The following GNPDA1 variants were observed in gnomAD, a reference collection of about 807,000 sequenced individuals.
GNPDA1 encodes the protein GNPDA 1.
Under a neutral mutation model 28.5 loss-of-function variants are expected in GNPDA1, and 24 were observed. The ratio of observed to expected loss-of-function variants is 0.84; its 90% confidence interval spans 0.61 to 1.19. The LOEUF is 1.19. Ranked by LOEUF, GNPDA1 falls within the 50% of genes most tolerant of loss-of-function variation. The pLI, the probability that GNPDA1 is intolerant of heterozygous loss-of-function variation, is 0.00. For synonymous variants in GNPDA1, 147 were observed against 139.3 expected (o/e 1.06, Z -0.39); for missense variants, 264 against 367.3 (o/e 0.72, Z 2.30).
In GNPDA1 at chr5:142,005,084, C is replaced by T; in HGVS notation, c.442G>A (p.Glu148Lys). The change falls in exon 5 of 7, where the codon GAG becomes AAG. Residue 148 changes from glutamate to lysine, a missense_variant. Physicochemically the swap from Glu to Lys is moderately conservative, Grantham distance 56. Coordinates refer to ENST00000311337, the MANE Select transcript of GNPDA1 (RefSeq NM_005471.5). ...CTGGACACCAGACTGGAGCCTGGCT[C>T]GTTGAAGGCAATGTGTCCATCAGGG... ...IGPDGHIAFN[E>K]PGSSLVSRTR... The T allele has an allele frequency of 1.2e-6, 2 of 1,610,742 alleles. No homozygotes were observed. The highest frequency in any genetic ancestry group is 1.7e-4 in the Middle Eastern group (1 of 6,048).
At position 142,003,484 on chromosome 5, in the gene GNPDA1, A is replaced by C. The variant is rs1370778857; in HGVS notation, c.595-222T>G. 1.3e-5 allele frequency among the ~76,000 whole-genome samples: 2 copies of C among 152,192 alleles called. No homozygotes were observed. The highest frequency in any genetic ancestry group is 1.9e-4 in the East Asian group (1 of 5,196). ...CCCCAGGGGGTTAAATAACTTGCCC[A>C]GGGTCATTTATGACCCCAAAGTTCA... On this transcript the variant is annotated intron_variant, in intron 5 of 6. Coordinates refer to ENST00000311337, the MANE Select transcript of GNPDA1 (RefSeq NM_005471.5). The surrounding 1 kb of genome is among the most constrained non-coding windows in gnomAD (Gnocchi z 4.0).
At chr5:142,007,614 A>T (rs1755839215) in intron 3 of GNPDA1, among the ~76,000 whole-genome samples, 185 bp downstream of exon 3, 1 of 152,206 alleles carries the variant, frequency 6.6e-6, no homozygotes, top group African/African-American at 2.4e-5. Flanking sequence ...TTTAATGCTT[A>T]CAACCTGTGA....
At position 142,004,952 on chromosome 5, in the gene GNPDA1, T is replaced by C; in HGVS notation, c.574A>G (p.Thr192Ala). Residue 192 changes from threonine to alanine, a missense_variant, in exon 5 of 7, where the codon ACT becomes GCT. By Grantham distance (58) the Thr-to-Ala change is moderately conservative. Coordinates refer to ENST00000311337, the MANE Select transcript of GNPDA1 (RefSeq NM_005471.5). ...CTTACCTCTCTAGCATCCATGACAG[T>C]GCCCACCCCCACCGTCAAGGCCATG... ...PTMALTVGVG[T>A]VMDAREVMIL... is the part of the protein sequence containing the mutation. The C allele has an allele frequency of 1.2e-6, 2 of 1,607,628 alleles. No individual in the cohort carries two copies. The highest frequency in any genetic ancestry group is 8.5e-7 in the Non-Finnish European group (1 of 1,174,678).
intron 2 of GNPDA1, among the ~76,000 whole-genome samples, chr5:142,010,454 C>T (rs1030476214): frequency 4.6e-4 from 69 of 150,532 alleles, no homozygotes; most frequent in African/African-American, 1.5e-3. Flanking sequence ...CCACCACACC[C>T]GGCCCTGTGG....
chr5:142,007,259 A>G (rs1412210933), intron 3 of GNPDA1, among the ~76,000 whole-genome samples: 1 of 152,152 alleles, frequency 6.6e-6, no homozygotes, highest in Non-Finnish European at 1.5e-5. Context: ...TTTTTTTTAA[A>G]AAAAGGATGT....
chr5:142,011,864 TACTCTCTCCACCCTTATCCACGGC>T (rs1596741905), intron 2 of GNPDA1, 24 bp downstream of exon 2: 2 of 1,607,676 alleles, frequency 1.2e-6, no homozygotes, highest in Non-Finnish European at 1.7e-6. Flanking sequence ...CCCTGTTGCC[TACTCTCTCCACCCTTATCCACGGC>T]ACCCTCTCCA....
chr5:142,006,189 C>G lies in GNPDA1; in HGVS notation c.364G>C (p.Glu122Gln). ...CCACCTGCAGCCTTGATCTTCTCTT[C>G]AAAGGCATCACATTCTGCCTGTAGG... Reference protein sequence around the residue: ...VDLQAECDAFEEKIKAAGGIE... With the variant: ...VDLQAECDAFQEKIKAAGGIE... Residue 122 changes from glutamate to glutamine, a missense_variant, in exon 4 of 7, where the codon GAA becomes CAA. Physicochemically the swap from Glu to Gln is conservative, Grantham distance 29 (BLOSUM62 2). Transcript: ENST00000311337. The G allele has an allele frequency of 6.2e-7, 1 of 1,614,116 alleles. No homozygotes were observed. Among genetic ancestry groups the G allele is most frequent in the Non-Finnish European group, 8.5e-7 (1 of 1,179,966 alleles).
chr5:142,003,319 G>A lies in GNPDA1; in HGVS notation c.595-57C>T. 1 of 1,156,656 alleles carries A rather than the reference G, an allele frequency of 8.6e-7. No homozygotes were observed. The highest frequency in any genetic ancestry group is 1.3e-6 in the Non-Finnish European group (1 of 793,544). 71.6% of individuals were successfully genotyped at this position (1,156,656 alleles called of 1,614,324 possible). On this transcript the variant is annotated intron_variant, in intron 5 of 6. Coordinates refer to ENST00000311337, the MANE Select transcript of GNPDA1 (RefSeq NM_005471.5). The surrounding 1 kb of genome is among the most constrained non-coding windows in gnomAD (Gnocchi z 4.0). The stretch of plus-strand genomic sequence containing the variant: ...GGGAGCATTCCAGACACCCTAAACA[G>A]TTGTAAGGATGATTGTTTTTCATAT...
chr5:142,007,778 C>T, intron 3 of GNPDA1, 21 bp downstream of exon 3: 1 of 1,411,976 alleles, frequency 7.1e-7, no homozygotes, highest in African/African-American at 1.4e-5. Flanking sequence ...CAGGAAAGAA[C>T]CTTGAAAGAG....
At chr5:142,005,900 G>C (rs996017559) in intron 4 of GNPDA1, 5 of 407,870 alleles carry the variant, frequency 1.2e-5, no homozygotes, top group Admixed American at 7.2e-5. Context: ...CTGGGGAGTA[G>C]ACAGAATCTC....
Position 142,011,763 on chromosome 5 carries a change from G to C in GNPDA1, c.124+149C>G. 7.8e-6 allele frequency: 6 copies of C among 771,732 alleles called. No homozygotes were observed. In the South Asian group the frequency reaches 1.1e-4, roughly 14 times the overall value. The allele number at this position is 771,732 out of a possible 1,614,324, so 47.8% of individuals were successfully genotyped here. A position where few individuals can be genotyped will look rare whatever the true frequency, so the allele number is the denominator to read the frequency against. On this transcript the variant is annotated intron_variant, in intron 2 of 6. Transcript: ENST00000311337. ...ACCCATAAGGGAAGCTGGGTCCTTT[G>C]TATGTGGAAGGGGCAGGAAGGTGCT...
In GNPDA1 at chr5:142,005,895, G is replaced by C. The variant is rs573633805; in HGVS notation, c.409+249C>G. ...TGATCCATAAAACCTTAAGACTGGG[G>C]AGTAGACAGAATCTCAGAGTCCAAA... On this transcript the variant is annotated intron_variant, in intron 4 of 6. Transcript: ENST00000311337. 6 of 398,038 alleles carry C rather than the reference G, an allele frequency of 1.5e-5. No homozygotes were observed. The Admixed American group carries it at 1.8e-4, about 12-fold the overall frequency. The allele number at this position is 398,038 out of a possible 1,614,324, so 24.7% of individuals were successfully genotyped here.
Position 142,001,716 on chromosome 5 carries a change from C to T in GNPDA1, c.*313G>A, listed in dbSNP as rs559787412. 20 of 214,650 alleles carry T rather than the reference C, an allele frequency of 9.3e-5. No individual in the cohort carries two copies. The East Asian group carries it at 1.2e-3, about 12-fold the overall frequency. 13.3% of individuals were successfully genotyped at this position (214,650 alleles called of 1,614,324 possible). On this transcript the variant is annotated 3_prime_UTR_variant, in exon 7 of 7. Transcript: ENST00000311337. ...TGCGTGTAAGGAGAGAAATTCCTGA[C>T]GGGAGTGTGTCATATGTGTGAACCA...
rs113581860 is a variant in GNPDA1, at chr5:142,003,462, CA to C, written c.595-201del. On this transcript the variant is annotated intron_variant, in intron 5 of 6. Transcript: ENST00000311337. This position sits in a 1 kb window ranked among gnomAD's most constrained non-coding sequence, Gnocchi z 4.0. ...TCCATCTTATAAGAAAACAGAGCCCCAGGGGGTTAAATAACTTGCCCAGGGT... is the reference window on the plus strand; with the variant it reads ...TCCATCTTATAAGAAAACAGAGCCCCGGGGGTTAAATAACTTGCCCAGGGT... Among the ~76,000 whole-genome samples, 3 of 152,148 alleles carry C rather than the reference CA, an allele frequency of 2.0e-5. No individual in the cohort carries two copies. In the East Asian group the frequency reaches 5.8e-4, roughly 29 times the overall value.
chr5:142,011,940 C>T lies in GNPDA1; in HGVS notation c.96G>A (p.Glu32=). 1 of 1,614,124 alleles carries T rather than the reference C, an allele frequency of 6.2e-7. No individual in the cohort carries two copies. The highest frequency in any genetic ancestry group is 8.5e-7 in the Non-Finnish European group (1 of 1,179,978). ...NRIIQFNPGP[E]KYFTLGLPTG... is the part of the protein sequence containing the mutation. ...TGGGGAGCCCCAGGGTGAAGTACTT[C>T]TCTGGCCCTGGGTTAAACTGGATGA... Residue 32 remains glutamate (E), a synonymous_variant, in exon 2 of 7, where the codon GAG becomes GAA. Transcript: ENST00000311337.
At chr5:142,005,939 C>A in intron 4 of GNPDA1, 1 of 495,784 alleles carries the variant, frequency 2.0e-6, no homozygotes, top group South Asian at 2.7e-5. Flanking sequence ...TCTCAGTTTA[C>A]AGACAAGGCA....
At chr5:142,005,714 G>A (rs946462750) in intron 4 of GNPDA1, among the ~76,000 whole-genome samples, 3 of 152,204 alleles carry the variant, frequency 2.0e-5, no homozygotes, top group African/African-American at 7.2e-5. Flanking sequence ...GAGGACCCGA[G>A]CACAAATCCA....
chr5:142,001,739 C>A lies in GNPDA1; in HGVS notation c.*290G>T, dbSNP rs1755681921. ...GACGGGAGTGTGTCATATGTGTGAA[C>A]CATGGCTGAAGCAGAACAAAAAGTT... On this transcript the variant is annotated 3_prime_UTR_variant, in exon 7 of 7. Transcript: ENST00000311337. 1 of 259,696 alleles carries A rather than the reference C, an allele frequency of 3.9e-6. No individual in the cohort carries two copies. Among genetic ancestry groups the A allele is most frequent in the African/African-American group, 2.3e-5 (1 of 44,270 alleles). The allele number at this position is 259,696 out of a possible 1,614,324, so 16.1% of individuals were successfully genotyped here.
chr5:142,009,492 C>T (rs1196921319), intron 2 of GNPDA1, among the ~76,000 whole-genome samples: 1 of 152,180 alleles, frequency 6.6e-6, no homozygotes, highest in Non-Finnish European at 1.5e-5. Flanking sequence ...ATAATTTAAG[C>T]CTCAGAAGGC....
Sources: allele counts gnomAD v4.1 joint callset (sites outside exome capture counted in the v4.1 genomes callset), GRCh38; gene constraint gnomAD v4.1.1; non-coding constraint Gnocchi (gnomAD v3.1); transcripts MANE v1.5; gene names NCBI Gene and HGNC (gene_info 2026-07-23, HGNC 2026-07-21).